PTPRR: variants seen among roughly 807,000 people sequenced by gnomAD.
PTPRR encodes the protein protein tyrosine phosphatase receptor type R.
A neutral mutation model predicts 77.2 loss-of-function variants in PTPRR; 38 were observed. That is an observed-to-expected ratio of 0.49 (90% CI 0.38 to 0.65). PTPRR has a LOEUF of 0.65. Ranked by LOEUF, PTPRR falls within the 30% of genes least tolerant of loss-of-function variation. The pLI is 0.00. For missense variants in PTPRR, 744 were observed against 799.2 expected (o/e 0.93, Z 0.83); for synonymous variants, 299 against 283.1 (o/e 1.06, Z -0.57).
chr12:70,835,980 T>A (rs1892295744), intron 2 of PTPRR, among the ~76,000 whole-genome samples: 1 of 152,098 alleles, frequency 6.6e-6, no homozygotes, highest in Non-Finnish European at 1.5e-5. Flanking sequence ...CTCTCCCTCA[T>A]ACTTGTCCCC....
chr12:70,919,586 G>C (rs567436597), intron 1 of PTPRR, among the ~76,000 whole-genome samples: 1 of 150,714 alleles, frequency 6.6e-6, no homozygotes, highest in East Asian at 2.0e-4. Flanking sequence ...TTTGGGAGCA[G>C]TCTCACTGTT....
chr12:70,766,538 T>C (rs1368086955), intron 2 of PTPRR, among the ~76,000 whole-genome samples: 4 of 152,044 alleles, frequency 2.6e-5, no homozygotes, highest in Non-Finnish European at 4.4e-5. Context: ...CTACGTCTGA[T>C]TGGTGTACTT....
intron 2 of PTPRR, among the ~76,000 whole-genome samples, chr12:70,844,563 G>A (rs549621240): frequency 5.9e-5 from 9 of 152,248 alleles, no homozygotes; most frequent in Non-Finnish European, 1.0e-4. Flanking sequence ...GGACTGGGAG[G>A]TAGGGAAAAT....
At chr12:70,821,042 T>C (rs1173621129) in intron 2 of PTPRR, among the ~76,000 whole-genome samples, 3 of 152,138 alleles carry the variant, frequency 2.0e-5, no homozygotes, top group Non-Finnish European at 2.9e-5. Context: ...AATAAATTTT[T>C]CTTTAGCTCT....
intron 2 of PTPRR, among the ~76,000 whole-genome samples, chr12:70,881,560 T>A (rs1284703444): frequency 4.6e-5 from 7 of 152,244 alleles, no homozygotes; most frequent in African/African-American, 1.7e-4. Flanking sequence ...GCCTAAACCA[T>A]GTGAAAATGT....
intron 1 of PTPRR, among the ~76,000 whole-genome samples, chr12:70,898,998 C>G (rs1893484272): frequency 6.6e-6 from 1 of 151,328 alleles, no homozygotes; most frequent in Non-Finnish European, 1.5e-5. Flanking sequence ...ATCCTTAAAA[C>G]CACAAACTAT....
chr12:70,767,597 A>G (rs1890859666), intron 2 of PTPRR, among the ~76,000 whole-genome samples: 6 of 152,152 alleles, frequency 3.9e-5, no homozygotes, highest in Admixed American at 3.9e-4. Flanking sequence ...TCAACATTAG[A>G]CAGATCAACG....
At chr12:70,855,262 G>GA (rs1892633279) in intron 2 of PTPRR, among the ~76,000 whole-genome samples, 1 of 152,170 alleles carries the variant, frequency 6.6e-6, no homozygotes, top group Non-Finnish European at 1.5e-5. Flanking sequence ...CAAGAAGACG[G>GA]AACCATGCAG....
intron 11 of PTPRR, 110 bp downstream of exon 11, chr12:70,662,380 TTAACA>T (rs1486216405): frequency 5.2e-6 from 3 of 578,142 alleles, no homozygotes; most frequent in Non-Finnish European, 8.7e-6. Context: ...CTCTTTGATC[TTAACA>T]TTATTTAATT....
chr12:70,864,231 C>G (rs547483836), intron 2 of PTPRR, among the ~76,000 whole-genome samples: 1 of 152,324 alleles, frequency 6.6e-6, no homozygotes, highest in South Asian at 2.1e-4. Flanking sequence ...CAAGCATCCT[C>G]CACTTTGTTG....
intron 8 of PTPRR, 43 bp from the exon 9 acceptor site, chr12:70,684,826 C>A: frequency 7.1e-7 from 1 of 1,408,456 alleles, no homozygotes; most frequent in South Asian, 1.3e-5. Flanking sequence ...CAGATTTACC[C>A]TTTTTAAAGT....
Position 70,776,521 on chromosome 12 carries a change from C to T in PTPRR, c.358-11743G>A, listed in dbSNP as rs550786859. Among the ~76,000 whole-genome samples, 243 of 152,216 alleles carry T rather than the reference C, an allele frequency of 1.6e-3. 4 individuals are homozygous for T. Among genetic ancestry groups the T allele is most frequent in the African/African-American group, 5.2e-3 (218 of 41,544 alleles). On this transcript the variant is annotated intron_variant, in intron 2 of 13. Transcript: ENST00000283228. ...ATTTTCTAATGAATGATCTTAACTC[C>T]TCCATTCACCAAATTTGCCCTGTCC...
rs751029586 is a variant in PTPRR at position 70,684,799 on chromosome 12, A to G, written c.1280-16T>C. 1.3e-6 allele frequency: 2 copies of G among 1,550,348 alleles called. No homozygotes were observed. Among genetic ancestry groups the G allele is most frequent in the Non-Finnish European group, 1.8e-6 (2 of 1,137,144 alleles). On this transcript the variant is annotated splice_polypyrimidine_tract_variant and intron_variant, in intron 8 of 13. Transcript: ENST00000283228. Reference sequence around the variant, plus strand: ...CTGAGGGGATCTAATGAAGAAAACAAAAAAGAATATATTAAACAGATTTAC... The same window carrying G: ...CTGAGGGGATCTAATGAAGAAAACAGAAAAGAATATATTAAACAGATTTAC...
At chr12:70,804,178 T>TGTGTGTGTGTGTGTGTGTGTG (rs1555176949) in intron 2 of PTPRR, among the ~76,000 whole-genome samples, 1 of 150,870 alleles carries the variant, frequency 6.6e-6, no homozygotes, top group Non-Finnish European at 1.5e-5. Context: ...TGTGTGTGTG[T>TGTGTGTGTGTGTGTGTGTGTG]TAAGGTTAAC....
intron 2 of PTPRR, among the ~76,000 whole-genome samples, chr12:70,835,448 A>G (rs1436727875): frequency 6.6e-6 from 1 of 152,156 alleles, no homozygotes; most frequent in Non-Finnish European, 1.5e-5. Context: ...TTAATAACTG[A>G]TGGTGACTGA....
chr12:70,696,154 A>C (rs191978667), intron 8 of PTPRR, among the ~76,000 whole-genome samples: 9 of 151,570 alleles, frequency 5.9e-5, no homozygotes, highest in Admixed American at 5.3e-4. Context: ...TTGTTTAGTC[A>C]TAGAAAATAT....
chr12:70,785,296 C>G (rs74101596), intron 2 of PTPRR, among the ~76,000 whole-genome samples: 3,694 of 151,476 alleles, frequency 0.024, 153 homozygotes, highest in African/African-American at 0.085. Flanking sequence ...TTATCCTACT[C>G]ATTTGAAATG....
chr12:70,707,290 A>C (rs1401188644), intron 6 of PTPRR, among the ~76,000 whole-genome samples: 1 of 152,108 alleles, frequency 6.6e-6, no homozygotes, highest in East Asian at 1.9e-4. Flanking sequence ...TGCTAAGAAC[A>C]TTTTTTGTGT....
chr12:70,916,225 T>C (rs1260447333), intron 1 of PTPRR, among the ~76,000 whole-genome samples: 1 of 152,030 alleles, frequency 6.6e-6, no homozygotes, highest in East Asian at 1.9e-4. Flanking sequence ...CTAAAATTAT[T>C]GTGGGATTAA....
Sources: allele counts gnomAD v4.1 joint callset (sites outside exome capture counted in the v4.1 genomes callset), GRCh38; gene constraint gnomAD v4.1.1; transcripts MANE v1.5; gene names NCBI Gene and HGNC (gene_info 2026-07-23, HGNC 2026-07-21).